ARHGEF3: variants seen among roughly 807,000 people sequenced by gnomAD.
ARHGEF3 encodes Rho guanine nucleotide exchange factor 3.
In ARHGEF3, 28 loss-of-function variants were observed where a neutral mutation model predicts 63.2. That is an observed-to-expected ratio of 0.44 (90% confidence interval 0.33 to 0.61). The LOEUF (loss-of-function observed/expected upper bound fraction) is 0.61, where lower values mean the gene tolerates loss of function less well. ARHGEF3 is among the 20% of genes least tolerant of loss of function. ARHGEF3 has a pLI of 0.03. For missense variants in ARHGEF3, 533 were observed against 659.3 expected (o/e 0.81, Z 2.10); for synonymous variants, 266 against 254.2 (o/e 1.05, Z -0.44).
At chr3:56,755,434 G>A (rs539798369) in intron 2 of ARHGEF3, among the ~76,000 whole-genome samples, 11 of 152,302 alleles carry the variant, frequency 7.2e-5, no homozygotes, top group African/African-American at 2.6e-4. Flanking sequence ...CACGCATGAA[G>A]GCAGTTCTTG....
intron 2 of ARHGEF3, among the ~76,000 whole-genome samples, chr3:56,988,896 AGAC>A (rs1403121587): frequency 6.6e-6 from 1 of 152,212 alleles, no homozygotes; most frequent in Non-Finnish European, 1.5e-5. Flanking sequence ...TTTGATGCCC[AGAC>A]AACAGCAGAT....
chr3:56,807,650 G>A (rs2037910549), intron 4 of ARHGEF3, among the ~76,000 whole-genome samples: 1 of 152,136 alleles, frequency 6.6e-6, no homozygotes, highest in Admixed American at 6.5e-5. Context: ...TTTCAGTTTT[G>A]ATGGGGAGGG....
upstream of ARHGEF3, among the ~76,000 whole-genome samples, chr3:56,805,891 T>C (rs1171005429): frequency 6.6e-6 from 1 of 152,186 alleles, no homozygotes; most frequent in Admixed American, 6.5e-5. Flanking sequence ...AAGCTTCTTA[T>C]AGCACGAATG....
chr3:57,004,581 G>A (rs1702397514), intron 2 of ARHGEF3, among the ~76,000 whole-genome samples: 1 of 152,212 alleles, frequency 6.6e-6, no homozygotes. Flanking sequence ...CAAGTAAACT[G>A]GCCCCAGCAT....
At chr3:56,985,151 C>T (rs1398531929) in intron 2 of ARHGEF3, among the ~76,000 whole-genome samples, 2 of 152,214 alleles carry the variant, frequency 1.3e-5, no homozygotes, top group Non-Finnish European at 2.9e-5. Flanking sequence ...TGCAATGGTG[C>T]AATCCTAGCT....
At chr3:56,853,317 T>C (rs1250063363) in intron 4 of ARHGEF3, among the ~76,000 whole-genome samples, 15 of 152,150 alleles carry the variant, frequency 9.9e-5, no homozygotes, top group Admixed American at 5.9e-4. Flanking sequence ...TCAACAGTTA[T>C]TGCTCAATTT....
chr3:56,791,735 G>C (rs1184702998), intron 1 of ARHGEF3, among the ~76,000 whole-genome samples: 4 of 151,972 alleles, frequency 2.6e-5, no homozygotes, highest in Non-Finnish European at 5.9e-5. Context: ...TTTGGGCCCT[G>C]CCTCCTAATT....
intron 1 of ARHGEF3, among the ~76,000 whole-genome samples, chr3:56,781,943 G>C (rs2036585741): frequency 6.6e-6 from 1 of 152,116 alleles, no homozygotes. Flanking sequence ...TGGCTGGAAG[G>C]CAGGGCATGG....
At chr3:56,793,380 A>C (rs1364929448) in intron 1 of ARHGEF3, among the ~76,000 whole-genome samples, 1 of 152,200 alleles carries the variant, frequency 6.6e-6, no homozygotes, top group Non-Finnish European at 1.5e-5. Flanking sequence ...CGCGTTAGCC[A>C]GGATGGTCTC....
intron 4 of ARHGEF3, among the ~76,000 whole-genome samples, chr3:56,859,907 T>A (rs550401192): frequency 2.0e-4 from 30 of 151,916 alleles, no homozygotes; most frequent in African/African-American, 6.8e-4. Flanking sequence ...ACACCTGTAA[T>A]CCCAGCATTT....
At chr3:56,846,116 ATAGAG>A (rs1342941243) in intron 4 of ARHGEF3, among the ~76,000 whole-genome samples, 1 of 152,202 alleles carries the variant, frequency 6.6e-6, no homozygotes, top group Non-Finnish European at 1.5e-5. Flanking sequence ...TCTGTTTGTT[ATAGAG>A]TAATGTTTAA....
At chr3:56,982,861 T>C (rs1701379989) in intron 2 of ARHGEF3, among the ~76,000 whole-genome samples, 2 of 151,920 alleles carry the variant, frequency 1.3e-5, no homozygotes, top group South Asian at 4.2e-4. Flanking sequence ...GAGCAAACAC[T>C]CCAGCAGCCA....
intron 3 of ARHGEF3, among the ~76,000 whole-genome samples, chr3:56,894,734 A>G (rs1452949329): frequency 6.6e-6 from 1 of 152,162 alleles, no homozygotes; most frequent in Non-Finnish European, 1.5e-5. Context: ...CATTCTCTGT[A>G]TGCTGGGTTA....
intron 4 of ARHGEF3, among the ~76,000 whole-genome samples, chr3:56,843,676 T>C (rs2039390359): frequency 6.6e-6 from 1 of 152,230 alleles, no homozygotes; most frequent in East Asian, 1.9e-4. Flanking sequence ...TTATATTCCA[T>C]GTATTCCATA....
At chr3:56,814,686 G>C (rs780439879) in intron 4 of ARHGEF3, among the ~76,000 whole-genome samples, 1 of 151,306 alleles carries the variant, frequency 6.6e-6, no homozygotes, top group Middle Eastern at 3.4e-3. Flanking sequence ...AATGAATTAA[G>C]GAAAAAAGGT....
intron 1 of ARHGEF3, among the ~76,000 whole-genome samples, chr3:56,794,313 C>A (rs997219107): frequency 1.3e-5 from 2 of 151,814 alleles, no homozygotes; most frequent in African/African-American, 4.8e-5. Flanking sequence ...CATGGTGAAA[C>A]CCTGTTTCTA....
intron 3 of ARHGEF3, chr3:56,898,715 G>A (rs763030997): frequency 4.3e-5 from 7 of 164,384 alleles, no homozygotes; most frequent in Middle Eastern, 1.1e-3. Context: ...GGTTACAGCC[G>A]TGGGCAGCCG....
intron 3 of ARHGEF3, among the ~76,000 whole-genome samples, chr3:56,934,791 C>T (rs569667480): frequency 6.6e-6 from 1 of 152,216 alleles, no homozygotes; most frequent in South Asian, 2.1e-4. Flanking sequence ...CCCCGACGAG[C>T]GCCACCCCCT....
intron 2 of ARHGEF3, among the ~76,000 whole-genome samples, chr3:57,025,867 C>T (rs534820513): frequency 2.0e-5 from 3 of 152,260 alleles, no homozygotes; most frequent in East Asian, 1.9e-4. Flanking sequence ...TTAGAGAAGA[C>T]GATTCCTCCT....
Sources: gnomAD v4.1 joint callset for allele counts (sites outside exome capture counted in the v4.1 genomes callset) on GRCh38, gnomAD v4.1.1 for gene constraint, MANE v1.5 for transcripts, NCBI Gene and HGNC (gene_info 2026-07-23, HGNC 2026-07-21) for gene names.